GHR: variants seen among roughly 807,000 people sequenced by gnomAD.
GHR encodes the protein growth hormone receptor.
A neutral mutation model predicts 67.1 loss-of-function variants in GHR; 35 were observed. That is an observed-to-expected ratio of 0.52 (90% CI 0.40 to 0.69). The LOEUF (loss-of-function observed/expected upper bound fraction) is 0.69. GHR is among the 30% of genes least tolerant of loss of function. GHR has a pLI of 0.00. For missense variants in GHR, 792 were observed against 764.6 expected, an observed-to-expected ratio of 1.04 and a Z score of -0.42; for synonymous variants, 272 against 269.1, an observed-to-expected ratio of 1.01 and a Z score of -0.10.
chr5:42,669,558 C>A (rs1756167487), intron 3 of GHR, among the ~76,000 whole-genome samples: 1 of 152,100 alleles, frequency 6.6e-6, no homozygotes, highest in African/African-American at 2.4e-5. Context: ...TCCTACCATT[C>A]CTGGCTAAAA....
intron 1 of GHR, among the ~76,000 whole-genome samples, chr5:42,510,053 C>G (rs951212585): frequency 1.3e-5 from 2 of 152,150 alleles, no homozygotes; most frequent in Admixed American, 1.3e-4. Context: ...GAATCGATCA[C>G]CCCCCTAACT....
At chr5:42,524,388 G>A (rs1207438634) in intron 1 of GHR, among the ~76,000 whole-genome samples, 3 of 152,106 alleles carry the variant, frequency 2.0e-5, no homozygotes, top group African/African-American at 7.2e-5. Flanking sequence ...GAGATTCATG[G>A]AACTTTGAAA....
rs1742770226 is a variant in GHR, at chr5:42,424,694, A to T, written c.-12+739A>T. ...CTTAAAGTTTTGACAGAACTGCCAGAGGCTGCGGGTCAATGGGGTGGCCGC... is the reference window on the plus strand; with the variant it reads ...CTTAAAGTTTTGACAGAACTGCCAGTGGCTGCGGGTCAATGGGGTGGCCGC... On this transcript the variant is annotated intron_variant, in intron 1 of 9. Transcript: ENST00000230882. The surrounding 1 kb of genome is among the most constrained non-coding windows in gnomAD (Gnocchi z 4.1). 8.2e-7 allele frequency: 1 copy of T among 1,220,210 alleles called. No homozygotes were observed. The highest frequency in any genetic ancestry group is 1.5e-5 in the African/African-American group (1 of 67,062). The allele number at this position is 1,220,210 out of a possible 1,614,324, so 75.6% of individuals were successfully genotyped here.
chr5:42,483,254 G>T (rs1745733783), intron 1 of GHR, among the ~76,000 whole-genome samples: 1 of 152,102 alleles, frequency 6.6e-6, no homozygotes, highest in African/African-American at 2.4e-5. Context: ...GTTTTGCCAT[G>T]TTGCCCAGGC....
chr5:42,634,637 A>T (rs1350941019), intron 3 of GHR, among the ~76,000 whole-genome samples: 6 of 152,296 alleles, frequency 3.9e-5, no homozygotes. Context: ...GCAGTCATTT[A>T]TGAAAGGAGA....
intron 1 of GHR, among the ~76,000 whole-genome samples, chr5:42,533,011 A>G (rs953853836): frequency 1.3e-5 from 2 of 152,122 alleles, no homozygotes; most frequent in African/African-American, 4.8e-5. Flanking sequence ...AGATATGCCA[A>G]ATTGCTCTGC....
rs943759816 is a variant in GHR, at chr5:42,523,562, G to A, written c.-11-42302G>A. ...ATGAATTGCACCCATATAAGGTGGG[G>A]AACTTAATCACTAAATGTTGTGTGT... On this transcript the variant is annotated intron_variant, in intron 1 of 9. Transcript: ENST00000230882. 3.3e-5 allele frequency among the ~76,000 whole-genome samples: 5 copies of A among 152,200 alleles called. 1 individual carries two copies. The South Asian group carries it at 8.3e-4, about 25-fold the overall frequency.
In GHR at chr5:42,446,413, T is replaced by C. The variant is rs143540001; in HGVS notation, c.-12+22458T>C. ...TGTGTTAGGGAAATGGTAAGTACTT[T>C]AAAGTGGCTAGATCAGAGAATGTTC... On this transcript the variant is annotated intron_variant, in intron 1 of 9. Transcript: ENST00000230882. Among the ~76,000 whole-genome samples, 139 of 152,320 alleles carry C rather than the reference T, an allele frequency of 9.1e-4. 3 individuals are homozygous for C. In the East Asian group the frequency reaches 0.024, roughly 27 times the overall value.
At chr5:42,482,958 C>T (rs146637823) in intron 1 of GHR, among the ~76,000 whole-genome samples, 143 of 152,294 alleles carry the variant, frequency 9.4e-4, no homozygotes, top group African/African-American at 3.2e-3. Flanking sequence ...AGAAATCACC[C>T]GTCTTCTGTG....
At chr5:42,461,729 C>T (rs1300495247) in intron 1 of GHR, among the ~76,000 whole-genome samples, 4 of 152,180 alleles carry the variant, frequency 2.6e-5, no homozygotes, top group African/African-American at 9.7e-5. Context: ...GTTGATTCTA[C>T]CTCCAGCACA....
In GHR at chr5:42,507,058, A is replaced by G. The variant is rs556355953; in HGVS notation, c.-11-58806A>G. On this transcript the variant is annotated intron_variant, in intron 1 of 9. Coordinates refer to ENST00000230882, the MANE Select transcript of GHR (RefSeq NM_000163.5). ...TTGGAAACTTATGAAAATACATTAA[A>G]GTTCTTCCCATTTCCTGTATGTTTC... 2.6e-5 allele frequency among the ~76,000 whole-genome samples: 4 copies of G among 152,346 alleles called. No homozygotes were observed. The South Asian group carries it at 8.3e-4, about 32-fold the overall frequency.
chr5:42,561,584 C>A (rs1749608694), intron 1 of GHR, among the ~76,000 whole-genome samples: 1 of 152,162 alleles, frequency 6.6e-6, no homozygotes, highest in African/African-American at 2.4e-5. Flanking sequence ...GCCTCCTCTG[C>A]TGGGCAGTCT....
intron 1 of GHR, among the ~76,000 whole-genome samples, chr5:42,557,950 G>A (rs1579934934): frequency 6.6e-6 from 1 of 152,186 alleles, no homozygotes; most frequent in East Asian, 1.9e-4. Context: ...AGTTTGTGCT[G>A]GGTTCAGCTT....
chr5:42,482,863 G>A (rs192006517), intron 1 of GHR, among the ~76,000 whole-genome samples: 77 of 152,128 alleles, frequency 5.1e-4, no homozygotes, highest in African/African-American at 1.7e-3. Flanking sequence ...GCTTTGGCTC[G>A]CACTCGGTGT....
chr5:42,596,085 T>C (rs1752053175), intron 2 of GHR, among the ~76,000 whole-genome samples: 1 of 152,214 alleles, frequency 6.6e-6, no homozygotes. Flanking sequence ...CTTATCCGCA[T>C]ATGCAGGTGA....
chr5:42,617,789 G>T (rs949390165), intron 2 of GHR, among the ~76,000 whole-genome samples: 1 of 152,110 alleles, frequency 6.6e-6, no homozygotes, highest in Non-Finnish European at 1.5e-5. Flanking sequence ...TTATCAATGA[G>T]ACTTTTGACT....
At chr5:42,646,744 C>T (rs1754750077) in intron 3 of GHR, among the ~76,000 whole-genome samples, 1 of 152,066 alleles carries the variant, frequency 6.6e-6, no homozygotes, top group Admixed American at 6.6e-5. Context: ...TGGTGACGTC[C>T]TGCAGCAAGC....
chr5:42,655,252 C>T (rs980869990), intron 3 of GHR, among the ~76,000 whole-genome samples: 5 of 152,096 alleles, frequency 3.3e-5, no homozygotes, highest in African/African-American at 1.2e-4. Context: ...GATGCTGCTC[C>T]TTTAATATTT....
intron 2 of GHR, among the ~76,000 whole-genome samples, chr5:42,590,081 C>G (rs1751696147): frequency 6.6e-6 from 1 of 152,116 alleles, no homozygotes; most frequent in Admixed American, 6.6e-5. Context: ...CTGGCATCAT[C>G]CTAGCTTCAC....
Sources: allele counts gnomAD v4.1 joint callset (sites outside exome capture counted in the v4.1 genomes callset), GRCh38; gene constraint gnomAD v4.1.1; non-coding constraint Gnocchi (gnomAD v3.1); transcripts MANE v1.5; gene names NCBI Gene and HGNC (gene_info 2026-07-23, HGNC 2026-07-21).